The following DSTYK variants were observed in gnomAD, a reference collection of about 807,000 sequenced individuals.
DSTYK encodes RIP-homologous kinase.
In DSTYK, 34 loss-of-function variants were observed where a neutral mutation model predicts 98.7. The observed-to-expected ratio is 0.34, with a 90% CI of 0.26 to 0.46. The LOEUF (loss-of-function observed/expected upper bound fraction) is 0.46. Ranked by LOEUF, DSTYK falls within the 20% of genes least tolerant of loss-of-function variation. The pLI is 1.00. For synonymous variants in DSTYK, 462 were observed against 457.3 expected (o/e 1.01, Z -0.13); for missense variants, 962 against 1,181.7 (o/e 0.81, Z 2.73).
intron 1 of DSTYK, among the ~76,000 whole-genome samples, chr1:205,204,455 T>TATACACAC: frequency 6.7e-6 from 1 of 148,758 alleles, no homozygotes; most frequent in East Asian, 2.0e-4. Flanking sequence ...ATGCTCACCA[T>TATACACAC]ACACACACAC....
At chr1:205,206,583 C>CTTTT (rs761643455) in intron 1 of DSTYK, among the ~76,000 whole-genome samples, 1 of 109,636 alleles carries the variant, frequency 9.1e-6, no homozygotes, top group Admixed American at 9.3e-5. Flanking sequence ...CTGGCCTGTT[C>CTTTT]TTTTTTTTTT....
Position 205,150,577 on chromosome 1 carries a change from G to T in DSTYK, c.2467+103C>A, listed in dbSNP as rs1657372386. 4 of 913,850 alleles carry T rather than the reference G, an allele frequency of 4.4e-6. No homozygotes were observed. The South Asian group carries it at 6.2e-5, about 14-fold the overall frequency. The allele number at this position is 913,850 out of a possible 1,614,324, so 56.6% of individuals were successfully genotyped here. ...CTGATCTGGTTTCTCCCTTGCCTGT[G>T]CCAGACCTGCCAGTAGTGATTGTGG... On this transcript the variant is annotated intron_variant, in intron 11 of 12. Transcript: ENST00000367162. This position sits in a 1 kb window ranked among gnomAD's most constrained non-coding sequence, Gnocchi z 4.1.
chr1:205,148,203 AC>A lies in DSTYK; in HGVS notation c.2602+1del. On this transcript the variant is annotated splice_donor_variant, in intron 12 of 12. Transcript: ENST00000367162. LOFTEE classifies it high-confidence loss of function. ...GGACAAGGTAGTACTTGTGGCTCTT[AC>A]CCCTCCGCACATTGTTCCAGAGATG... 1 of 1,613,962 alleles carries A rather than the reference AC, an allele frequency of 6.2e-7. No homozygotes were observed. The highest frequency in any genetic ancestry group is 8.5e-7 in the Non-Finnish European group (1 of 1,179,944).
Position 205,143,517 on chromosome 1 carries a change from G to A in DSTYK, c.*4041C>T, listed in dbSNP as rs1047068301. ...GACACAATATGGATGGACTAGGGAG[G>A]CTTCCTGATTATCCAAATGGAATAC... On this transcript the variant is annotated 3_prime_UTR_variant, in exon 13 of 13. Coordinates refer to ENST00000367162, the MANE Select transcript of DSTYK (RefSeq NM_015375.3). 6.6e-6 allele frequency: 1 copy of A among 152,496 alleles called. No homozygotes were observed. Among genetic ancestry groups the A allele is most frequent in the Admixed American group, 6.5e-5 (1 of 15,272 alleles). 9.4% of individuals were successfully genotyped at this position (152,496 alleles called of 1,614,324 possible).
intron 3 of DSTYK, among the ~76,000 whole-genome samples, chr1:205,166,325 C>G (rs928606505): frequency 6.6e-6 from 1 of 152,048 alleles, no homozygotes; most frequent in African/African-American, 2.4e-5. Context: ...AGCACATATG[C>G]ATTGTCTTTA....
chr1:205,160,191 G>T lies in DSTYK; in HGVS notation c.2028C>A (p.Phe676Leu). ...VYLCDNWGGH[F>L]PCALKSVVPP... The stretch of plus-strand genomic sequence containing the variant: ...GGACAACTGATTTGAGGGCACAAGG[G>T]AAGTGTCCTCCCCAGTTGTCACACA... Residue 676 changes from phenylalanine (F) to leucine (L), a missense_variant, in exon 8 of 13, where the codon TTC becomes TTA. Physicochemically the swap from Phe to Leu is conservative, Grantham distance 22 (BLOSUM62 0). This residue lies in a region of DSTYK where 660 missense variants were observed against 855.0 expected (regional missense o/e 0.77). Coordinates refer to ENST00000367162, the MANE Select transcript of DSTYK (RefSeq NM_015375.3). 6.2e-7 allele frequency: 1 copy of T among 1,613,786 alleles called. No individual in the cohort carries two copies. The highest frequency in any genetic ancestry group is 8.5e-7 in the Non-Finnish European group (1 of 1,179,910).
At chr1:205,153,867 CTTTTTTTTT>C (rs771169377) in intron 10 of DSTYK, among the ~76,000 whole-genome samples, 2 of 132,678 alleles carry the variant, frequency 1.5e-5, no homozygotes, top group Admixed American at 7.7e-5. Context: ...GCCTGGCTAA[CTTTTTTTTT>C]TTTTTTTTTG....
chr1:205,203,878 G>A (rs1447858510), intron 1 of DSTYK, among the ~76,000 whole-genome samples: 4 of 151,536 alleles, frequency 2.6e-5, no homozygotes, highest in Non-Finnish European at 5.9e-5. Context: ...TCATGCCACT[G>A]CACTCCAGCC....
chr1:205,192,209 G>T lies in DSTYK; in HGVS notation c.266-4403C>A, dbSNP rs1658732752. Among the ~76,000 whole-genome samples the T allele has an allele frequency of 3.9e-5, 6 of 151,932 alleles. No homozygotes were observed. In the South Asian group the frequency reaches 1.2e-3, roughly 32 times the overall value. ...TCATTTAATGCTCACAATTCTACAA[G>T]ACAAGGACTATTATTAACTCCATTT... On this transcript the variant is annotated intron_variant, in intron 1 of 12. Transcript: ENST00000367162.
At chr1:205,193,790 G>A (rs781238873) in intron 1 of DSTYK, among the ~76,000 whole-genome samples, 2 of 151,102 alleles carry the variant, frequency 1.3e-5, no homozygotes, top group Non-Finnish European at 2.9e-5. Context: ...AGAATCGCTT[G>A]AACCTGGGAG....
intron 2 of DSTYK, among the ~76,000 whole-genome samples, chr1:205,174,055 G>A (rs961451401): frequency 1.3e-5 from 2 of 151,714 alleles, no homozygotes; most frequent in Non-Finnish European, 2.9e-5. Flanking sequence ...GACTTTATTT[G>A]CTCATAGGTG....
At chr1:205,159,459 C>T (rs1657652321) in intron 9 of DSTYK, 88 bp downstream of exon 9, 1 of 1,408,576 alleles carries the variant, frequency 7.1e-7, no homozygotes, top group Non-Finnish European at 9.5e-7. Flanking sequence ...CTGATGAAAG[C>T]TAAAAGCTCT....
Position 205,187,655 on chromosome 1 carries a change from G to C in DSTYK, c.417C>G (p.Thr139=). 2.5e-6 allele frequency: 4 copies of C among 1,614,200 alleles called. No homozygotes were observed. The highest frequency in any genetic ancestry group is 1.6e-4 in the Middle Eastern group (1 of 6,062). Reference sequence around the variant, plus strand: ...AGCTCTCCTCACTGCCCAGCTTGGTGGTGGGAAGCACCTGCACCCCCAACA... The same window carrying C: ...AGCTCTCCTCACTGCCCAGCTTGGTCGTGGGAAGCACCTGCACCCCCAACA... ...NLLLGVQVLP[T]TKLGSEESCK... The change falls in exon 2 of 13, where the codon ACC becomes ACG. Residue 139 remains threonine (T), a synonymous_variant. Transcript: ENST00000367162.
chr1:205,163,219 ATTT>A (rs373494891), intron 4 of DSTYK, among the ~76,000 whole-genome samples: 1 of 140,600 alleles, frequency 7.1e-6, no homozygotes, highest in Non-Finnish European at 1.6e-5. Flanking sequence ...TTATTTTTTT[ATTT>A]TTTTTTTTAT....
intron 2 of DSTYK, among the ~76,000 whole-genome samples, chr1:205,173,728 T>A (rs1294662244): frequency 6.6e-6 from 1 of 152,110 alleles, no homozygotes; most frequent in African/African-American, 2.4e-5. Flanking sequence ...CGGTTGTTTT[T>A]TTTTTTTTGA....
intron 2 of DSTYK, among the ~76,000 whole-genome samples, chr1:205,178,074 T>C (rs190774193): frequency 1.7e-4 from 26 of 152,166 alleles, no homozygotes; most frequent in African/African-American, 6.0e-4. Flanking sequence ...AGTAAAAGCA[T>C]CAGTGTGTAA....
At position 205,169,145 on chromosome 1, in the gene DSTYK, A is replaced by G. The variant is rs1366980687; in HGVS notation, c.1324+18T>C. 7 of 1,554,436 alleles carry G rather than the reference A, an allele frequency of 4.5e-6. No homozygotes were observed. The highest frequency in any genetic ancestry group is 6.1e-6 in the Non-Finnish European group (7 of 1,151,736). On this transcript the variant is annotated intron_variant, in intron 3 of 12. Transcript: ENST00000367162. The surrounding 1 kb of genome is among the most constrained non-coding windows in gnomAD (Gnocchi z 4.0). ...ACTCCTCCCGTGCCAGCACCCCAAC[A>G]AGCTCTCTGGGACCTACCTTTAAAC...
Position 205,202,789 on chromosome 1 carries a change from G to T in DSTYK, c.265+8482C>A, listed in dbSNP as rs190295271. On this transcript the variant is annotated intron_variant, in intron 1 of 12. Transcript: ENST00000367162. ...CAATTAAATATTTTTTTAAAAAAAGGAAAGAAAAGAAAGTAAATAAAGGCA... is the reference window on the plus strand; with the variant it reads ...CAATTAAATATTTTTTTAAAAAAAGTAAAGAAAAGAAAGTAAATAAAGGCA... 12 of 584,386 alleles carry T rather than the reference G, an allele frequency of 2.1e-5. No homozygotes were observed. In the East Asian group the frequency reaches 3.6e-4, roughly 18 times the overall value. 36.2% of individuals were successfully genotyped at this position (584,386 alleles called of 1,614,324 possible).
chr1:205,175,595 G>A (rs924212368), intron 2 of DSTYK, among the ~76,000 whole-genome samples: 3 of 152,242 alleles, frequency 2.0e-5, no homozygotes, highest in Non-Finnish European at 4.4e-5. Flanking sequence ...TGTGATATGC[G>A]ATTCTGCAAT....
Sources: allele counts gnomAD v4.1 joint callset (sites outside exome capture counted in the v4.1 genomes callset), GRCh38; gene constraint gnomAD v4.1.1; regional missense constraint gnomAD v4.1.1; non-coding constraint Gnocchi (gnomAD v3.1); transcripts MANE v1.5; gene names NCBI Gene and HGNC (gene_info 2026-07-23, HGNC 2026-07-21).